The following KSR2 variants were observed in gnomAD, a reference collection of about 807,000 sequenced individuals.
The protein encoded by KSR2 is kinase suppressor of ras 2.
Under a neutral mutation model 107.8 loss-of-function variants are expected in KSR2, and 25 were observed. That is an observed-to-expected ratio of 0.23 (90% CI 0.17 to 0.32). The LOEUF (loss-of-function observed/expected upper bound fraction) is 0.32, where lower values mean the gene tolerates loss of function less well. Ranked by LOEUF, KSR2 falls within the 10% of genes least tolerant of loss-of-function variation. The pLI is 1.00. For missense variants in KSR2, 887 were observed against 1,268.9 expected (o/e 0.70, Z 4.57); for synonymous variants, 480 against 507.0 (o/e 0.95, Z 0.71).
intron 19 of KSR2, among the ~76,000 whole-genome samples, chr12:117,469,296 AG>A (rs568367206): frequency 1.8e-4 from 28 of 152,328 alleles, no homozygotes; most frequent in African/African-American, 6.5e-4. Context: ...GAAGAGTTCC[AG>A]AAAGCTGGGC....
At chr12:117,650,176 G>A (rs1386899859) in intron 5 of KSR2, among the ~76,000 whole-genome samples, 1 of 152,180 alleles carries the variant, frequency 6.6e-6, no homozygotes, top group Non-Finnish European at 1.5e-5. Flanking sequence ...TCAGCTTCCA[G>A]GGAATATAAA....
intron 14 of KSR2, among the ~76,000 whole-genome samples, chr12:117,520,003 C>A (rs1377083793): frequency 6.6e-6 from 1 of 152,142 alleles, no homozygotes; most frequent in Non-Finnish European, 1.5e-5. Context: ...GGGGCCTCAG[C>A]CCTGAATTGT....
At position 117,860,407 on chromosome 12, in the gene KSR2, G is replaced by T; in HGVS notation, c.205C>A (p.Arg69=). 6.2e-7 allele frequency: 1 copy of T among 1,610,894 alleles called. No individual in the cohort carries two copies. ...ACCTTCTTTTTGCAGGACAGCTGCC[G>T]GCTGAAGTACTTCACCAGCTTGCTC... is the stretch of plus-strand genomic sequence containing the variant. ...LESKLVKYFS[R]QLSCKKKVAL... Residue 69 remains arginine (R), a synonymous_variant, in exon 2 of 20, where the codon CGG becomes AGG. Transcript: ENST00000339824.
At chr12:117,801,756 A>G (rs1345037706) in intron 3 of KSR2, among the ~76,000 whole-genome samples, 2 of 152,168 alleles carry the variant, frequency 1.3e-5, no homozygotes, top group South Asian at 2.1e-4. Flanking sequence ...ATAATTTGAC[A>G]TGAGATTTGG....
At chr12:117,697,149 T>C (rs1261524424) in intron 4 of KSR2, among the ~76,000 whole-genome samples, 2 of 152,186 alleles carry the variant, frequency 1.3e-5, no homozygotes, top group East Asian at 3.8e-4. Context: ...GATGGAAGGT[T>C]CCCTATCAGC....
intron 5 of KSR2, among the ~76,000 whole-genome samples, chr12:117,629,677 T>C (rs1418295240): frequency 6.6e-6 from 1 of 152,190 alleles, no homozygotes; most frequent in African/African-American, 2.4e-5. Flanking sequence ...AAATTACTCC[T>C]ATATGTCCTC....
chr12:117,633,031 C>T (rs1882883439), intron 5 of KSR2, among the ~76,000 whole-genome samples: 1 of 152,158 alleles, frequency 6.6e-6, no homozygotes, highest in African/African-American at 2.4e-5. Flanking sequence ...AGCTTTCATC[C>T]AATTATTCCA....
chr12:117,504,750 A>T (rs1167904834), intron 14 of KSR2, among the ~76,000 whole-genome samples: 2 of 152,108 alleles, frequency 1.3e-5, no homozygotes, highest in Non-Finnish European at 2.9e-5. Context: ...AGAATCTTTT[A>T]AAAAAATCTT....
intron 3 of KSR2, among the ~76,000 whole-genome samples, chr12:117,834,218 G>A (rs747523888): frequency 3.3e-5 from 5 of 151,878 alleles, no homozygotes; most frequent in African/African-American, 9.7e-5. Context: ...ACCATGATCC[G>A]AAGTTAAAAG....
At chr12:117,704,863 A>AAC (rs1170401655) in intron 4 of KSR2, among the ~76,000 whole-genome samples, 3 of 151,970 alleles carry the variant, frequency 2.0e-5, no homozygotes, top group African/African-American at 7.3e-5. Flanking sequence ...CATCTCAAAA[A>AAC]AAAAAAAAAG....
intron 6 of KSR2, 26 bp downstream of exon 6, chr12:117,582,263 AC>A (rs745488408): frequency 1.4e-5 from 22 of 1,601,948 alleles, no homozygotes; most frequent in Non-Finnish European, 1.9e-5. Context: ...AGAAGTAGGC[AC>A]CAGTGCACAC....
chr12:117,824,631 C>T (rs918088594), intron 3 of KSR2, among the ~76,000 whole-genome samples: 30 of 151,564 alleles, frequency 2.0e-4, no homozygotes, highest in South Asian at 6.3e-4. Flanking sequence ...CCGAGGCGGG[C>T]GGATCACGAG....
chr12:117,583,053 A>G (rs1430068618), intron 5 of KSR2, among the ~76,000 whole-genome samples: 1 of 152,240 alleles, frequency 6.6e-6, no homozygotes, highest in Non-Finnish European at 1.5e-5. Flanking sequence ...AATTATTTTA[A>G]TAATGTCTAA....
intron 1 of KSR2, among the ~76,000 whole-genome samples, chr12:117,892,787 CAAAAAA>C (rs35897528): frequency 0.011 from 945 of 87,126 alleles, 16 homozygotes; most frequent in African/African-American, 0.032. Flanking sequence ...GTGCTATGTG[CAAAAAA>C]AAAAAAAAAA....
At chr12:117,540,093 T>C (rs1191858136) in intron 9 of KSR2, among the ~76,000 whole-genome samples, 1 of 151,384 alleles carries the variant, frequency 6.6e-6, no homozygotes, top group Non-Finnish European at 1.5e-5. Context: ...GCCTCTGGAG[T>C]CGAATTCCTG....
intron 3 of KSR2, among the ~76,000 whole-genome samples, chr12:117,769,693 A>C (rs552475030): frequency 1.3e-5 from 2 of 152,366 alleles, no homozygotes; most frequent in Non-Finnish European, 2.9e-5. Flanking sequence ...ACAGAACGCC[A>C]CTGAGGATTA....
chr12:117,482,778 C>T (rs905267570), intron 16 of KSR2, among the ~76,000 whole-genome samples: 2 of 151,738 alleles, frequency 1.3e-5, no homozygotes, highest in Non-Finnish European at 3.0e-5. Flanking sequence ...ACCTCAGGGA[C>T]AAGCCACTGT....
chr12:117,730,150 T>A (rs1021698635), intron 4 of KSR2, among the ~76,000 whole-genome samples: 2 of 152,120 alleles, frequency 1.3e-5, no homozygotes, highest in Non-Finnish European at 1.5e-5. Context: ...AAAACTTTAT[T>A]TACAAAAACA....
chr12:117,700,228 T>C (rs529051954), intron 4 of KSR2, among the ~76,000 whole-genome samples: 6 of 152,246 alleles, frequency 3.9e-5, no homozygotes, highest in East Asian at 3.9e-4. Flanking sequence ...CATGACTGTA[T>C]TGTTATCCTC....
Sources: allele counts gnomAD v4.1 joint callset (sites outside exome capture counted in the v4.1 genomes callset), GRCh38; gene constraint gnomAD v4.1.1; transcripts MANE v1.5; gene names NCBI Gene and HGNC (gene_info 2026-07-23, HGNC 2026-07-21).